Variants in ABCB9 observed in about 807,000 individuals in gnomAD.
The protein encoded by ABCB9 is ABC-type oligopeptide transporter ABCB9.
A neutral mutation model predicts 62.0 loss-of-function variants in ABCB9; 36 were observed. The ratio of observed to expected loss-of-function variants is 0.58; its 90% CI spans 0.45 to 0.77. The LOEUF (loss-of-function observed/expected upper bound fraction) is 0.77. ABCB9 is among the 30% of genes least tolerant of loss of function. The probability of loss-of-function intolerance (pLI) is 0.00; values close to 1 mark genes in which losing one functional copy is unlikely to be tolerated. For missense variants in ABCB9, 943 were observed against 1,054.7 expected, an observed-to-expected ratio of 0.89 and a Z score of 1.47; for synonymous variants, 435 against 461.4, an observed-to-expected ratio of 0.94 and a Z score of 0.73.
downstream of ABCB9, among the ~76,000 whole-genome samples, chr12:122,919,419 G>A (rs181629406): frequency 1.7e-3 from 253 of 152,126 alleles, 3 homozygotes; most frequent in Admixed American, 0.014. Flanking sequence ...CAATCCTCCC[G>A]CCTCAGCCTC....
upstream of ABCB9, chr12:122,966,574 G>T (rs12819195): frequency 6.6e-6 from 1 of 151,950 alleles, no homozygotes; most frequent in Non-Finnish European, 1.5e-5. Context: ...GGCCTCAGGA[G>T]GAGTGGGCGG....
At chr12:122,961,381 C>T (rs1449387019) in intron 1 of ABCB9, among the ~76,000 whole-genome samples, 5 of 151,874 alleles carry the variant, frequency 3.3e-5, no homozygotes, top group African/African-American at 1.2e-4. Flanking sequence ...TTAGTAGAGA[C>T]GGGGTTTCAC....
rs746503412 is a variant in ABCB9, at chr12:122,940,923, G to A, written c.1453C>T (p.Arg485Trp). ...CCATCGTGCACCATGGTCGGCTGCC[G>A]GTCGATGAACTCGAACACCTTCTCA... ...AAEKVFEFID[R>W]QPTMVHDGSL... The change falls in exon 8 of 12, where the codon CGG (arginine) becomes TGG (tryptophan). Residue 485 changes from arginine to tryptophan, a missense_variant. Coordinates refer to ENST00000280560, the MANE Select transcript of ABCB9 (RefSeq NM_019625.4). This position sits in a 1 kb window ranked among gnomAD's most constrained non-coding sequence, Gnocchi z 4.8. 3.4e-5 allele frequency: 55 copies of A among 1,612,362 alleles called. No homozygotes were observed. Among genetic ancestry groups the A allele is most frequent in the East Asian group, 4.5e-5 (2 of 44,824 alleles).
chr12:122,920,908 T>A (rs912165396), downstream of ABCB9: 155 of 1,032,248 alleles, frequency 1.5e-4, 1 homozygote, highest in Non-Finnish European at 1.9e-4. Flanking sequence ...GTGAGACCCC[T>A]GTCTTAAAAA....
chr12:122,920,412 G>C (rs1256775576), downstream of ABCB9, among the ~76,000 whole-genome samples: 2 of 151,244 alleles, frequency 1.3e-5, no homozygotes, highest in Admixed American at 1.3e-4. Context: ...GTGGAGATTA[G>C]ATAAGCCTAT....
chr12:122,931,976 C>T, intron 11 of ABCB9: 1 of 776,688 alleles, frequency 1.3e-6, no homozygotes, highest in Non-Finnish European at 2.0e-6. Context: ...TTCTCTTGCC[C>T]CACACCATAC....
At position 122,929,701 on chromosome 12, in the gene ABCB9, C is replaced by A; in HGVS notation, c.*210G>T. On this transcript the variant is annotated 3_prime_UTR_variant, in exon 12 of 12. Transcript: ENST00000280560. This position sits in a 1 kb window ranked among gnomAD's most constrained non-coding sequence, Gnocchi z 6.0. ...AGGAGGCTAGGGAGGTCCGTGAAGG[C>A]GTTGGCTCAGGGCAGCAGGGGTAAG... 7.7e-7 allele frequency: 1 copy of A among 1,302,270 alleles called. No homozygotes were observed. Among genetic ancestry groups the A allele is most frequent in the South Asian group, 2.7e-5 (1 of 36,768 alleles). The allele number at this position is 1,302,270 out of a possible 1,614,324, so 80.7% of individuals were successfully genotyped here. A position where few individuals can be genotyped will look rare whatever the true frequency, so the allele number is the denominator to read the frequency against.
intron 1 of ABCB9, among the ~76,000 whole-genome samples, chr12:122,974,140 G>C (rs953770449): frequency 2.0e-5 from 3 of 152,226 alleles, no homozygotes; most frequent in African/African-American, 7.2e-5. Context: ...TGCTGCATGT[G>C]CCAGGCCTGC....
downstream of ABCB9, among the ~76,000 whole-genome samples, chr12:122,918,616 G>A (rs1016762294): frequency 6.6e-6 from 1 of 151,576 alleles, no homozygotes; most frequent in Non-Finnish European, 1.5e-5. Context: ...AGGCCACCAC[G>A]CACGACTAAT....
At chr12:122,924,888 C>T (rs561753802), downstream of ABCB9, 24 of 1,409,100 alleles carry the variant, frequency 1.7e-5, no homozygotes, top group African/African-American at 3.3e-4. Context: ...AAAGTCATAA[C>T]TCTCCACACC....
In ABCB9 at chr12:122,921,056, T is replaced by A. The variant is rs947206329; in HGVS notation, c.2041-13A>T. 4 of 1,535,192 alleles carry A rather than the reference T, an allele frequency of 2.6e-6. No homozygotes were observed. In the African/African-American group the frequency reaches 5.5e-5, roughly 21 times the overall value. On this transcript the variant is annotated splice_polypyrimidine_tract_variant and intron_variant, in intron 11 of 11. Coordinates refer to the ABCB9 transcript ENST00000344275. The stretch of plus-strand genomic sequence containing the variant: ...TGGTCATTCAGATCTAAGAAGATAA[T>A]AAATATGCTTGCTAAATGTCAAAGG...
At chr12:122,970,011 T>C (rs2037252732), upstream of ABCB9, among the ~76,000 whole-genome samples, 1 of 152,140 alleles carries the variant, frequency 6.6e-6, no homozygotes, top group Non-Finnish European at 1.5e-5. Flanking sequence ...TCACACTCTG[T>C]GATATTTACC....
chr12:122,963,899 C>A (rs940036782), intron 1 of ABCB9, among the ~76,000 whole-genome samples: 10 of 152,206 alleles, frequency 6.6e-5, no homozygotes, highest in Admixed American at 2.0e-4. Flanking sequence ...ACCCTCAGCC[C>A]AGGTCCTGGC....
At position 122,960,144 on chromosome 12, in the gene ABCB9, T is replaced by C. The variant is rs1305941313; in HGVS notation, c.92A>G (p.Asp31Gly). ...TTAIYVFSHL[D>G]RSLLEDIRHF... is the part of the protein sequence containing the mutation. ...GCGGATGTCCTCCAGGAGGCTGCGG[T>C]CCAGGTGGCTGAAGACATAGATGGC... is the stretch of plus-strand genomic sequence containing the variant. The change falls in exon 2 of 12, where the codon GAC (aspartate) becomes GGC (glycine). Residue 31 changes from aspartate (D) to glycine (G), a missense_variant. Physicochemically the swap from Asp to Gly is moderately conservative, Grantham distance 94. Transcript: ENST00000280560. 3 of 1,613,704 alleles carry C rather than the reference T, an allele frequency of 1.9e-6. No individual in the cohort carries two copies. The highest frequency in any genetic ancestry group is 2.5e-6 in the Non-Finnish European group (3 of 1,180,034).
chr12:122,968,752 T>A (rs1000466421), upstream of ABCB9, among the ~76,000 whole-genome samples: 1 of 151,652 alleles, frequency 6.6e-6, no homozygotes, highest in African/African-American at 2.4e-5. Context: ...GTAGTTGGGA[T>A]TGCAAGCATG....
Position 122,962,756 on chromosome 12 carries a change from C to A in ABCB9, c.-87-2434G>T, listed in dbSNP as rs1228361532. Among the ~76,000 whole-genome samples, 3 of 152,176 alleles carry A rather than the reference C, an allele frequency of 2.0e-5. No homozygotes were observed. In the East Asian group the frequency reaches 5.8e-4, roughly 29 times the overall value. ...TGTAACACTGCACTTCCTGTGAGCC[C>A]TGCCCTGCACCATGTGCTTCAAATC... On this transcript the variant is annotated intron_variant, in intron 1 of 11. Coordinates refer to ENST00000280560, the MANE Select transcript of ABCB9 (RefSeq NM_019625.4).
rs1181456177 is a variant in ABCB9 at position 122,930,043 on chromosome 12, G to A, written c.2169C>T (p.Thr723=). ...CGCCCTGGGCCAGCAGCTGCTGGTG[G>A]GTGCCCTGCTGCACTACGCGGCCCT... The part of the protein sequence containing the change: ...LDKGRVVQQG[T]HQQLLAQGGL... Residue 723 remains threonine (T), a synonymous_variant, in exon 12 of 12, where the codon ACC becomes ACT. Coordinates refer to ENST00000280560, the MANE Select transcript of ABCB9 (RefSeq NM_019625.4). This position sits in a 1 kb window ranked among gnomAD's most constrained non-coding sequence, Gnocchi z 4.9. 6.4e-7 allele frequency: 1 copy of A among 1,572,002 alleles called. No individual in the cohort carries two copies. The highest frequency in any genetic ancestry group is 8.6e-7 in the Non-Finnish European group (1 of 1,159,516).
chr12:122,936,679 C>T (rs567077472), intron 9 of ABCB9, among the ~76,000 whole-genome samples: 24 of 151,798 alleles, frequency 1.6e-4, no homozygotes, highest in East Asian at 9.7e-4. Flanking sequence ...CCGAGGTGGG[C>T]GGATCACCTG....
rs1389791088 is a variant in ABCB9 at position 122,930,763 on chromosome 12, G to C, written c.2041-592C>G. Among the ~76,000 whole-genome samples, 1 of 151,290 alleles carries C rather than the reference G, an allele frequency of 6.6e-6. No individual in the cohort carries two copies. The highest frequency in any genetic ancestry group is 6.6e-5 in the Admixed American group (1 of 15,258). On this transcript the variant is annotated intron_variant, in intron 11 of 11. Coordinates refer to ENST00000280560, the MANE Select transcript of ABCB9 (RefSeq NM_019625.4). This position sits in a 1 kb window ranked among gnomAD's most constrained non-coding sequence, Gnocchi z 4.9. ...GGAATGGAAACACCATGGGGACAAG[G>C]GTCTTTGTCTAGTTAGCCCACGATA...
Sources: gnomAD v4.1 joint callset for allele counts (sites outside exome capture counted in the v4.1 genomes callset) on GRCh38, gnomAD v4.1.1 for gene constraint, Gnocchi (gnomAD v3.1) non-coding constraint, MANE v1.5 for transcripts, NCBI Gene and HGNC (gene_info 2026-07-23, HGNC 2026-07-21) for gene names.